Variants in CES5A observed in about 807,000 individuals in gnomAD.
CES5A encodes the protein carboxylesterase 5A.
CES5A carries 67 observed loss-of-function variants against 62.9 expected under a neutral mutation model. That is an observed-to-expected ratio of 1.07 (90% CI 0.88 to 1.31). The LOEUF (loss-of-function observed/expected upper bound fraction) is 1.31. Among genes scored for constraint, CES5A ranks in the 50% most tolerant of loss-of-function variants. The pLI is 0.00. For synonymous variants in CES5A, 296 were observed against 280.8 expected (o/e 1.05, Z -0.54); for missense variants, 748 against 708.5 (o/e 1.06, Z -0.63).
chr16:55,899,366 A>G (rs930250516), intron 1 of CES5A, among the ~76,000 whole-genome samples: 1 of 152,178 alleles, frequency 6.6e-6, no homozygotes, highest in South Asian at 2.1e-4. Context: ...GCCCTGCTGC[A>G]TATCCTTCTG....
At chr16:55,870,710 G>A (rs2033565353) in intron 3 of CES5A, among the ~76,000 whole-genome samples, 1 of 152,080 alleles carries the variant, frequency 6.6e-6, no homozygotes, top group Non-Finnish European at 1.5e-5. Context: ...AAAAAAGAGG[G>A]AAGAGTAAAA....
At chr16:55,936,764 G>T (rs1447685235) in intron 2 of CES5A, among the ~76,000 whole-genome samples, 1 of 152,220 alleles carries the variant, frequency 6.6e-6, no homozygotes, top group Non-Finnish European at 1.5e-5. Flanking sequence ...GTCACACGAA[G>T]TTGAGGAGCA....
At chr16:55,931,207 C>G (rs1195565111) in intron 2 of CES5A, among the ~76,000 whole-genome samples, 2 of 152,196 alleles carry the variant, frequency 1.3e-5, no homozygotes, top group Admixed American at 1.3e-4. Context: ...CCAAACTTCT[C>G]TACTGTAAAT....
In CES5A at chr16:55,910,070, C is replaced by T. The variant is rs139447150; in HGVS notation, c.-256+15253G>A. On this transcript the variant is annotated intron_variant, in intron 1 of 12. Coordinates refer to the CES5A transcript ENST00000518005. ...GTGAGCCCGACATGCCATTTGGACA[C>T]TGGCAATATCAGATGTGTGAGAAGG... 2.3e-3 allele frequency among the ~76,000 whole-genome samples: 348 copies of T among 152,306 alleles called. 2 individuals are homozygous for T. The highest frequency in any genetic ancestry group is 4.1e-3 in the Non-Finnish European group (277 of 68,030).
At chr16:55,898,849 C>T (rs1349491544) in intron 1 of CES5A, among the ~76,000 whole-genome samples, 2 of 152,200 alleles carry the variant, frequency 1.3e-5, no homozygotes, top group East Asian at 1.9e-4. Flanking sequence ...CCCTCATGAC[C>T]ACTTTCCCAG....
At chr16:55,929,470 A>C (rs1419102849), upstream of CES5A, among the ~76,000 whole-genome samples, 1 of 151,436 alleles carries the variant, frequency 6.6e-6, no homozygotes, top group African/African-American at 2.4e-5. Context: ...CCCCACCCCC[A>C]TGACTCCCCA....
At chr16:55,934,682 G>A (rs944220896) in intron 2 of CES5A, among the ~76,000 whole-genome samples, 22 of 151,938 alleles carry the variant, frequency 1.4e-4, no homozygotes, top group South Asian at 4.1e-4. Flanking sequence ...GTGTGTGCGC[G>A]TGTGCATGTG....
At chr16:55,955,703 T>C in intron 1 of CES5A, 1 of 828,100 alleles carries the variant, frequency 1.2e-6, no homozygotes, top group Admixed American at 2.4e-5. Context: ...AGTCAAGGTA[T>C]CCATCTAGCC....
chr16:55,912,356 T>C (rs1044138512), intron 1 of CES5A, among the ~76,000 whole-genome samples: 1 of 152,220 alleles, frequency 6.6e-6, no homozygotes, highest in Non-Finnish European at 1.5e-5. Flanking sequence ...TCCTTGTCTG[T>C]GAGGAGCTGT....
chr16:55,913,039 GTAATTCATGCAGAGC>G (rs1432413283), intron 1 of CES5A, among the ~76,000 whole-genome samples: 1 of 152,188 alleles, frequency 6.6e-6, no homozygotes. Context: ...TGGAGAAAGA[GTAATTCATGCAGAGC>G]TGGTTGTGCG....
chr16:55,871,693 C>G lies in CES5A; in HGVS notation c.349G>C (p.Val117Leu). 1 of 1,614,144 alleles carries G rather than the reference C, an allele frequency of 6.2e-7. No individual in the cohort carries two copies. The highest frequency in any genetic ancestry group is 1.3e-5 in the African/African-American group (1 of 75,036). The change falls in exon 3 of 13, where the codon GTG (valine) becomes CTG (leucine). Residue 117 changes from valine (V) to leucine (L), a missense_variant. Physicochemically the swap from Val to Leu is conservative, Grantham distance 32 (BLOSUM62 1). Coordinates refer to ENST00000290567, the MANE Select transcript of CES5A (RefSeq NM_001143685.2). ...MLKVHYPKFG[V>L]SEDCLYLNIY... Reference sequence around the variant, plus strand: ...TTCAGGTAGAGGCAGTCTTCTGACACTCCGAATTTCGGGTAATGCACCTTG... The same window carrying G: ...TTCAGGTAGAGGCAGTCTTCTGACAGTCCGAATTTCGGGTAATGCACCTTG...
intron 1 of CES5A, among the ~76,000 whole-genome samples, chr16:55,883,862 GT>G (rs2033786632): frequency 6.6e-6 from 1 of 152,134 alleles, no homozygotes; most frequent in Non-Finnish European, 1.5e-5. Flanking sequence ...ACCACTATTG[GT>G]GGGGTCTATT....
At chr16:55,908,412 T>C (rs967298658) in intron 1 of CES5A, among the ~76,000 whole-genome samples, 25 of 152,242 alleles carry the variant, frequency 1.6e-4, no homozygotes, top group African/African-American at 5.5e-4. Context: ...CAGGCTGGAG[T>C]GCAATGGTTG....
At chr16:55,860,647 C>A (rs1567327454) in intron 7 of CES5A, among the ~76,000 whole-genome samples, 1 of 152,130 alleles carries the variant, frequency 6.6e-6, no homozygotes, top group Non-Finnish European at 1.5e-5. Context: ...TTTTTTGGGT[C>A]TCAGAAAGCA....
chr16:55,919,005 A>G (rs1406966864), intron 1 of CES5A, among the ~76,000 whole-genome samples: 1 of 152,162 alleles, frequency 6.6e-6, no homozygotes, highest in Non-Finnish European at 1.5e-5. Context: ...ATCCCATCTT[A>G]TGGGGCAGAT....
At chr16:55,944,199 A>G (rs1353248017) in intron 2 of CES5A, 4 of 686,600 alleles carry the variant, frequency 5.8e-6, no homozygotes, top group African/African-American at 3.5e-5. Flanking sequence ...GGTTCCATCA[A>G]TAGCTGACAG....
rs548167823 is a variant in CES5A, at chr16:55,919,213, C to T, written c.-256+6110G>A. On this transcript the variant is annotated intron_variant, in intron 1 of 12. Transcript: ENST00000518005. The stretch of plus-strand genomic sequence containing the variant: ...GCACAGGCCTCCCTTCCTTCATGGC[C>T]TTCACCAGCTTTTTGTGTCAGGCCC... Among the ~76,000 whole-genome samples the T allele has an allele frequency of 1.2e-4, 19 of 152,366 alleles. No homozygotes were observed. The East Asian group carries it at 3.3e-3, about 26-fold the overall frequency.
chr16:55,870,112 T>A (rs1261566671), intron 3 of CES5A, among the ~76,000 whole-genome samples: 1 of 152,164 alleles, frequency 6.6e-6, no homozygotes, highest in African/African-American at 2.4e-5. Context: ...ACATTTCAAG[T>A]TTCAAGTGCT....
upstream of CES5A, chr16:55,875,451 G>A (rs2033678991): frequency 9.1e-7 from 1 of 1,101,902 alleles, no homozygotes; most frequent in Non-Finnish European, 1.2e-6. Context: ...ATTGAGCTGG[G>A]GAAAGATAAT....
Sources: gnomAD v4.1 joint callset for allele counts (sites outside exome capture counted in the v4.1 genomes callset) on GRCh38, gnomAD v4.1.1 for gene constraint, MANE v1.5 for transcripts, NCBI Gene and HGNC (gene_info 2026-07-23, HGNC 2026-07-21) for gene names.